TOR3A: variants seen among roughly 807,000 people sequenced by gnomAD.
TOR3A encodes the protein torsin family 3 member A.
Under a neutral mutation model 42.1 loss-of-function variants are expected in TOR3A, and 44 were observed. The observed-to-expected ratio is 1.04, with a 90% CI of 0.82 to 1.34. TOR3A has a LOEUF of 1.34. TOR3A is among the 40% of genes most tolerant of loss of function. TOR3A has a pLI of 0.00. For synonymous variants in TOR3A, 227 were observed against 213.2 expected (o/e 1.06, Z -0.57); for missense variants, 521 against 507.6 (o/e 1.03, Z -0.25).
At chr1:179,083,733 G>GGTTGCTTGATTTGCATATCGCA (rs1373306526) in intron 2 of TOR3A, among the ~76,000 whole-genome samples, 1 of 152,000 alleles carries the variant, frequency 6.6e-6, no homozygotes, top group Non-Finnish European at 1.5e-5. Flanking sequence ...AATTAGTTTG[G>GGTTGCTTGATTTGCATATCGCA]GTTGCTTGAT....
chr1:179,090,957 G>A (rs1213832071), intron 4 of TOR3A, among the ~76,000 whole-genome samples: 5 of 152,190 alleles, frequency 3.3e-5, no homozygotes, highest in East Asian at 1.9e-4. Flanking sequence ...TTGTGGAGTC[G>A]TGGTGGGCCT....
At chr1:179,088,333 C>T (rs1479576609) in intron 4 of TOR3A, 1 of 303,704 alleles carries the variant, frequency 3.3e-6, no homozygotes, top group Non-Finnish European at 6.0e-6. Context: ...CATAGTGAAA[C>T]CCCATCTCTA....
rs1652424636 is a variant in TOR3A, at chr1:179,085,990, G to A, written c.639+97G>A. 7 of 1,473,466 alleles carry A rather than the reference G, an allele frequency of 4.8e-6. No homozygotes were observed. In the South Asian group the frequency reaches 7.7e-5, roughly 16 times the overall value. 91.3% of individuals were successfully genotyped at this position (1,473,466 alleles called of 1,614,324 possible). On this transcript the variant is annotated intron_variant, in intron 3 of 5. Coordinates refer to ENST00000367627, the MANE Select transcript of TOR3A (RefSeq NM_022371.4). ...AGGAAATGGGCTCTGGAGAAGCCTG[G>A]GGAGGTGGGGACAGGTGGCAGAACC... is the stretch of plus-strand genomic sequence containing the variant.
In TOR3A at chr1:179,082,329, C is replaced by T. The variant is rs910095006; in HGVS notation, c.201C>T (p.Ser67=). The T allele has an allele frequency of 4.4e-6, 7 of 1,604,992 alleles. No homozygotes were observed. The highest frequency in any genetic ancestry group is 4.1e-5 in the African/African-American group (3 of 73,526). The change falls in exon 1 of 6, where the codon AGC becomes AGT. Residue 67 remains serine (S), a synonymous_variant. Coordinates refer to ENST00000367627, the MANE Select transcript of TOR3A (RefSeq NM_022371.4). ...ALSKRYWTLF[S]CQVWPDDCDE... ...CCAAGCGGTACTGGACGCTCTTCAG[C>T]TGCCAGGTGTGGCCCGACGACTGTG...
Position 179,082,962 on chromosome 1 carries a change from C to T in TOR3A, c.282C>T (p.Gly94=). ...CAGGCTGGCGCCTTCCTCTGTTGGG[C>T]CAGCGGTACCTGGACCTCCTGACCA... ...GPLGWRLPLL[G]QRYLDLLTTW... The change falls in exon 2 of 6, where the codon GGC becomes GGT. Residue 94 remains glycine (G), a synonymous_variant. Coordinates refer to ENST00000367627, the MANE Select transcript of TOR3A (RefSeq NM_022371.4). The T allele has an allele frequency of 1.3e-6, 2 of 1,581,146 alleles. No individual in the cohort carries two copies. Among genetic ancestry groups the T allele is most frequent in the Non-Finnish European group, 1.7e-6 (2 of 1,164,144 alleles).
chr1:179,089,261 C>T lies in TOR3A; in HGVS notation c.818+1172C>T, dbSNP rs111308999. On this transcript the variant is annotated intron_variant, in intron 4 of 5. Transcript: ENST00000367627. The stretch of plus-strand genomic sequence containing the variant: ...ACTTGAACCTGGGAGGCAGAGGTTG[C>T]AGTGAGCTGAGATCACACCATTGCA... Among the ~76,000 whole-genome samples, 341 of 149,606 alleles carry T rather than the reference C, an allele frequency of 2.3e-3. 1 individual carries two copies. The highest frequency in any genetic ancestry group is 8.2e-3 in the African/African-American group (331 of 40,398).
rs1389267903 is a variant in TOR3A at position 179,095,957 on chromosome 1, T to C, written c.*739T>C. Reference sequence around the variant, plus strand: ...AGGGGGTCTTGACATGTTTGTTGTATGTAAAGATGATAAGATTAAAATTTT... The same window carrying C: ...AGGGGGTCTTGACATGTTTGTTGTACGTAAAGATGATAAGATTAAAATTTT... On this transcript the variant is annotated 3_prime_UTR_variant, in exon 6 of 6. Transcript: ENST00000367627. 6.1e-6 allele frequency: 6 copies of C among 985,242 alleles called. No individual in the cohort carries two copies. The highest frequency in any genetic ancestry group is 1.7e-5 in the African/African-American group (1 of 57,206). 61.0% of individuals were successfully genotyped at this position (985,242 alleles called of 1,614,324 possible). A position where few individuals can be genotyped will look rare whatever the true frequency, so the allele number is the denominator to read the frequency against.
At position 179,082,095 on chromosome 1, in the gene TOR3A, G is replaced by T; in HGVS notation, c.-34G>T. 2 of 1,434,654 alleles carry T rather than the reference G, an allele frequency of 1.4e-6. No individual in the cohort carries two copies. Among genetic ancestry groups the T allele is most frequent in the South Asian group, 1.5e-5 (1 of 67,812 alleles). 88.9% of individuals were successfully genotyped at this position (1,434,654 alleles called of 1,614,324 possible). ...GGGCTTAAGGGAGCCTGGCTAGGCCGGCAGCCGGATGGTCCCGCAGCTCGG... is the reference window on the plus strand; with the variant it reads ...GGGCTTAAGGGAGCCTGGCTAGGCCTGCAGCCGGATGGTCCCGCAGCTCGG... On this transcript the variant is annotated 5_prime_UTR_variant, in exon 1 of 6. Coordinates refer to ENST00000367627, the MANE Select transcript of TOR3A (RefSeq NM_022371.4).
intron 5 of TOR3A, among the ~76,000 whole-genome samples, chr1:179,094,751 C>T (rs551162942): frequency 5.9e-5 from 9 of 152,250 alleles, no homozygotes; most frequent in South Asian, 2.1e-4. Flanking sequence ...TGGTGCTGTA[C>T]GCCTGTGGTC....
intron 3 of TOR3A, among the ~76,000 whole-genome samples, chr1:179,086,243 GAC>G (rs1310421505): frequency 6.6e-6 from 1 of 152,232 alleles, no homozygotes; most frequent in Admixed American, 6.5e-5. Context: ...TCTCCACACG[GAC>G]ACACCCTTGT....
chr1:179,082,871 G>T (rs2274227), intron 1 of TOR3A, 69 bp from the exon 2 acceptor site: 396,460 of 1,035,058 alleles, frequency 0.38, 77,553 homozygotes, highest in African/African-American at 0.46. Flanking sequence ...AAGTTGTGTG[G>T]CAAGGTTGCC....
At chr1:179,087,798 T>TG (rs566540664) in intron 3 of TOR3A, 113 bp from the exon 4 acceptor site, 425 of 927,658 alleles carry the variant, frequency 4.6e-4, no homozygotes, top group African/African-American at 5.9e-4. Flanking sequence ...GGGCGGGGGG[T>TG]GGGGAACCCA....
chr1:179,094,215 T>A lies in TOR3A; in HGVS notation c.941T>A (p.Ile314Lys). The part of the protein sequence containing the change: ...PHLQAEIVET[I>K]DNGFGHSRLV... ...CTCCAGGCGGAGATTGTGGAGACCA[T>A]AGGTGAGTAACTGACTCAATATGCC... Residue 314 changes from isoleucine (I) to lysine (K), a missense_variant and splice_region_variant, in exon 5 of 6, where the codon ATA (isoleucine) becomes AAA (lysine). Ile to Lys is a moderately radical substitution (Grantham distance 102). Coordinates refer to ENST00000367627, the MANE Select transcript of TOR3A (RefSeq NM_022371.4). 1 of 1,612,268 alleles carries A rather than the reference T, an allele frequency of 6.2e-7. No individual in the cohort carries two copies. Among genetic ancestry groups the A allele is most frequent in the Non-Finnish European group, 8.5e-7 (1 of 1,179,324 alleles).
At chr1:179,092,732 T>C (rs893489446) in intron 4 of TOR3A, among the ~76,000 whole-genome samples, 7 of 152,038 alleles carry the variant, frequency 4.6e-5, no homozygotes, top group African/African-American at 1.7e-4. Context: ...TCCCAGCTAC[T>C]TGGGAGGCTG....
In TOR3A at chr1:179,082,124, CG is replaced by C; in HGVS notation, c.-3del. ...GCCGGATGGTCCCGCAGCTCGGGGCCGGCCATGCTTCGCGGTCCGTGGCGCC... is the reference window on the plus strand; with the variant it reads ...GCCGGATGGTCCCGCAGCTCGGGGCCGCCATGCTTCGCGGTCCGTGGCGCC... On this transcript the variant is annotated 5_prime_UTR_variant, in exon 1 of 6. Transcript: ENST00000367627. 6.7e-7 allele frequency: 1 copy of C among 1,485,684 alleles called. No individual in the cohort carries two copies. Among genetic ancestry groups the C allele is most frequent in the Non-Finnish European group, 8.9e-7 (1 of 1,129,228 alleles). The allele number at this position is 1,485,684 out of a possible 1,614,324, so 92.0% of individuals were successfully genotyped here. A position where few individuals can be genotyped will look rare whatever the true frequency, so the allele number is the denominator to read the frequency against.
intron 5 of TOR3A, 38 bp from the exon 6 acceptor site, chr1:179,094,930 C>G (rs757517244): frequency 1.2e-6 from 2 of 1,605,832 alleles, no homozygotes; most frequent in Non-Finnish European, 1.7e-6. Context: ...AGGTTCAGTC[C>G]TAGGTCAGAC....
chr1:179,082,173 G>A lies in TOR3A; in HGVS notation c.45G>A (p.Leu15=), dbSNP rs753383262. 2 of 1,508,660 alleles carry A rather than the reference G, an allele frequency of 1.3e-6. No individual in the cohort carries two copies. Among genetic ancestry groups the A allele is most frequent in the South Asian group, 1.2e-5 (1 of 80,930 alleles). The allele number at this position is 1,508,660 out of a possible 1,614,324, so 93.5% of individuals were successfully genotyped here. ...PWRQLWLFFL[L]LLPGAPEPRG... ...GCCAGCTTTGGCTCTTTTTCCTGCT[G>A]CTGCTCCCGGGCGCGCCTGAGCCCC... Residue 15 remains leucine, a synonymous_variant, in exon 1 of 6, where the codon CTG becomes CTA. Coordinates refer to ENST00000367627, the MANE Select transcript of TOR3A (RefSeq NM_022371.4).
At chr1:179,088,884 C>T (rs948319120) in intron 4 of TOR3A, among the ~76,000 whole-genome samples, 1 of 152,224 alleles carries the variant, frequency 6.6e-6, no homozygotes, top group Non-Finnish European at 1.5e-5. Flanking sequence ...GGCTTCACAA[C>T]AGCTCGAGCC....
chr1:179,088,326 A>C (rs1175887042), intron 4 of TOR3A: 1 of 325,402 alleles, frequency 3.1e-6, no homozygotes, highest in Non-Finnish European at 5.5e-6. Flanking sequence ...TGGGCAACAT[A>C]GTGAAACCCC....
Sources: allele counts gnomAD v4.1 joint callset (sites outside exome capture counted in the v4.1 genomes callset), GRCh38; gene constraint gnomAD v4.1.1; transcripts MANE v1.5; gene names NCBI Gene and HGNC (gene_info 2026-07-23, HGNC 2026-07-21).